CYP3A5: variants seen among roughly 807,000 people sequenced by gnomAD.
CYP3A5 encodes cytochrome P450 3A5.
In CYP3A5, 51 loss-of-function variants were observed where a neutral mutation model predicts 55.9. The ratio of observed to expected loss-of-function variants is 0.91; its 90% CI spans 0.73 to 1.15. The LOEUF is 1.15. Among genes scored for constraint, CYP3A5 ranks in the 50% most tolerant of loss-of-function variants. The pLI is 0.00. For missense variants in CYP3A5, 533 were observed against 596.6 expected (o/e 0.89, Z 1.11); for synonymous variants, 196 against 213.9 (o/e 0.92, Z 0.73).
rs1437761998 is a variant in CYP3A5, at chr7:99,666,784, T to C, written c.433-95A>G. 2.5e-6 allele frequency: 4 copies of C among 1,601,202 alleles called. No individual in the cohort carries two copies. The Admixed American group carries it at 5.1e-5, about 21-fold the overall frequency. ...TCCAGCATGGAGCAGTAAGTGACATTTTGTAATGAATTTTGTGATGTCTTT... is the reference window on the plus strand; with the variant it reads ...TCCAGCATGGAGCAGTAAGTGACATCTTGTAATGAATTTTGTGATGTCTTT... On this transcript the variant is annotated intron_variant, in intron 5 of 12. Coordinates refer to ENST00000222982, the MANE Select transcript of CYP3A5 (RefSeq NM_000777.5).
chr7:99,676,630 G>A, intron 1 of CYP3A5: 1 of 1,109,462 alleles, frequency 9.0e-7, no homozygotes, highest in Non-Finnish European at 1.2e-6. Flanking sequence ...ATGAGATTTT[G>A]CATCACTGTA....
At chr7:99,679,129 G>A (rs1289079262) in intron 1 of CYP3A5, among the ~76,000 whole-genome samples, 5 of 152,236 alleles carry the variant, frequency 3.3e-5, no homozygotes, top group South Asian at 2.1e-4. Flanking sequence ...ATAAATCCTC[G>A]AAACTTCCTC....
chr7:99,648,923 C>G (rs1808882427), intron 12 of CYP3A5, among the ~76,000 whole-genome samples: 1 of 152,108 alleles, frequency 6.6e-6, no homozygotes, highest in East Asian at 1.9e-4. Flanking sequence ...AAGAATTATT[C>G]TTTTCTTTTT....
intron 10 of CYP3A5, 111 bp from the exon 11 acceptor site, chr7:99,652,890 T>C: frequency 1.3e-6 from 1 of 756,242 alleles, no homozygotes; most frequent in Admixed American, 2.7e-5. Flanking sequence ...CTCATACTGG[T>C]AAATGATCAT....
intron 8 of CYP3A5, chr7:99,663,597 T>A: frequency 1.0e-6 from 1 of 998,038 alleles, no homozygotes; most frequent in Non-Finnish European, 1.2e-6. Context: ...AGTCTTGGAC[T>A]TAAAATGATT....
Position 99,660,631 on chromosome 7 carries a change from C to G in CYP3A5, c.894G>C (p.Gln298His). ...AGCCAGCAAAAATGAAGATTATTGACTGGGCTGCGAGCTCCAGATCAGACA... is the reference window on the plus strand; with the variant it reads ...AGCCAGCAAAAATGAAGATTATTGAGTGGGCTGCGAGCTCCAGATCAGACA... The part of the protein sequence containing the change: ...KALSDLELAA[Q>H]SIIFIFAGYE... The change falls in exon 10 of 13, where the codon CAG becomes CAC. Residue 298 changes from glutamine (Q) to histidine (H), a missense_variant. By Grantham distance (24) the Gln-to-His change is conservative (BLOSUM62 0). Coordinates refer to ENST00000222982, the MANE Select transcript of CYP3A5 (RefSeq NM_000777.5). 1 of 1,613,880 alleles carries G rather than the reference C, an allele frequency of 6.2e-7. No individual in the cohort carries two copies. The highest frequency in any genetic ancestry group is 8.5e-7 in the Non-Finnish European group (1 of 1,179,880).
rs528348474 is a variant in CYP3A5 at position 99,651,944 on chromosome 7, G to A, written c.1253+609C>T. Among the ~76,000 whole-genome samples the A allele has an allele frequency of 2.0e-5, 3 of 152,230 alleles. No homozygotes were observed. The South Asian group carries it at 6.2e-4, about 32-fold the overall frequency. On this transcript the variant is annotated intron_variant, in intron 11 of 12. Transcript: ENST00000222982. ...TCAGTGAAGTGGCTTAAACCATTAG[G>A]GATGAGGACTTCTCAGGACCTCAGC...
chr7:99,661,592 T>A (rs1810455790), intron 9 of CYP3A5, among the ~76,000 whole-genome samples: 1 of 152,248 alleles, frequency 6.6e-6, no homozygotes. Flanking sequence ...TGGTCAGGAC[T>A]GGATTAGGAC....
chr7:99,674,702 C>A, intron 2 of CYP3A5, 117 bp from the exon 3 acceptor site: 1 of 725,804 alleles, frequency 1.4e-6, no homozygotes, highest in Non-Finnish European at 2.3e-6. Flanking sequence ...CTTTCACTGG[C>A]AGTTGAAGGA....
intron 10 of CYP3A5, among the ~76,000 whole-genome samples, chr7:99,656,782 T>A (rs963621599): frequency 1.2e-4 from 19 of 152,092 alleles, no homozygotes; most frequent in African/African-American, 3.9e-4. Flanking sequence ...CTATTCAGAG[T>A]TTCAACTTCT....
chr7:99,661,891 C>T (rs1039867442), intron 9 of CYP3A5, among the ~76,000 whole-genome samples: 21 of 152,168 alleles, frequency 1.4e-4, no homozygotes, highest in East Asian at 7.7e-4. Context: ...AAATTTTATT[C>T]AATTAAAAAT....
At chr7:99,650,447 G>A (rs989528131) in intron 11 of CYP3A5, among the ~76,000 whole-genome samples, 7 of 152,070 alleles carry the variant, frequency 4.6e-5, no homozygotes, top group South Asian at 2.1e-4. Context: ...CTATAGGAGC[G>A]TTTCTTGAGA....
At chr7:99,660,270 A>G in intron 10 of CYP3A5, 1 of 1,037,636 alleles carries the variant, frequency 9.6e-7, no homozygotes, top group Non-Finnish European at 1.1e-6. Flanking sequence ...TGATAACAGT[A>G]AACAGGTGAA....
chr7:99,666,897 C>T (rs1811079024), intron 5 of CYP3A5, 55 bp downstream of exon 5: 2 of 1,604,946 alleles, frequency 1.2e-6, no homozygotes, highest in South Asian at 2.2e-5. Flanking sequence ...TACTTTCTAC[C>T]TGTCCCCAGA....
intron 6 of CYP3A5, 54 bp downstream of exon 6, chr7:99,666,547 G>A (rs1584450386): frequency 6.4e-7 from 1 of 1,570,128 alleles, no homozygotes; most frequent in East Asian, 2.2e-5. Context: ...TCCATGGCAG[G>A]CAGCTGGAAG....
intron 4 of CYP3A5, among the ~76,000 whole-genome samples, chr7:99,670,371 C>G (rs1163086711): frequency 6.6e-6 from 1 of 152,124 alleles, no homozygotes; most frequent in Non-Finnish European, 1.5e-5. Context: ...ATGGCAAGCT[C>G]AAATTAAGGC....
At position 99,662,853 on chromosome 7, in the gene CYP3A5, A is replaced by C; in HGVS notation, c.828T>G (p.Ile276Met). ...CAGTTTCTTTCGAATTCTGGGAGTC[A>C]ATCATCAGCTGAAGGAAATCTAGTC... The part of the protein sequence containing the change: ...KHRLDFLQLM[I>M]DSQNSKETES... The change falls in exon 9 of 13, where the codon ATT becomes ATG. Residue 276 changes from isoleucine (I) to methionine (M), a missense_variant. Ile to Met is a conservative substitution (Grantham distance 10). Transcript: ENST00000222982. This position sits in a 1 kb window ranked among gnomAD's most constrained non-coding sequence, Gnocchi z 4.3. 6.2e-7 allele frequency: 1 copy of C among 1,614,000 alleles called. No individual in the cohort carries two copies. The highest frequency in any genetic ancestry group is 8.5e-7 in the Non-Finnish European group (1 of 1,179,900).
Position 99,652,552 on chromosome 7 carries a change from C to G in CYP3A5, c.1253+1G>C. ...AGCTCCATTTCCCTGGAGACTTGTA[C>G]CTTTCAGGGCGGAACTCCTCAGGCT... is the stretch of plus-strand genomic sequence containing the variant. On this transcript the variant is annotated splice_donor_variant, in intron 11 of 12. Coordinates refer to ENST00000222982, the MANE Select transcript of CYP3A5 (RefSeq NM_000777.5). LOFTEE classifies it high-confidence loss of function. 1.3e-6 allele frequency: 2 copies of G among 1,598,152 alleles called. No individual in the cohort carries two copies. The highest frequency in any genetic ancestry group is 8.5e-7 in the Non-Finnish European group (1 of 1,170,002).
chr7:99,679,077 C>T (rs183849961), intron 1 of CYP3A5, among the ~76,000 whole-genome samples: 4 of 152,192 alleles, frequency 2.6e-5, no homozygotes, highest in Non-Finnish European at 5.9e-5. Flanking sequence ...CTATATTAAT[C>T]CTAGCCTCCC....
Sources: allele counts gnomAD v4.1 joint callset (sites outside exome capture counted in the v4.1 genomes callset), GRCh38; gene constraint gnomAD v4.1.1; non-coding constraint Gnocchi (gnomAD v3.1); transcripts MANE v1.5; gene names NCBI Gene and HGNC (gene_info 2026-07-23, HGNC 2026-07-21).